Variants in ZDHHC8 observed in about 807,000 individuals in gnomAD.
ZDHHC8 encodes the protein zDHHC palmitoyltransferase 8.
Under a neutral mutation model 61.2 loss-of-function variants are expected in ZDHHC8, and 24 were observed. That is an observed-to-expected ratio of 0.39 (90% CI 0.28 to 0.55). The LOEUF (loss-of-function observed/expected upper bound fraction) is 0.55. Ranked by LOEUF, ZDHHC8 falls within the 20% of genes least tolerant of loss-of-function variation. ZDHHC8 has a pLI of 0.60. For missense variants in ZDHHC8, 935 were observed against 1,102.1 expected, an observed-to-expected ratio of 0.85 and a Z score of 2.15; for synonymous variants, 523 against 492.5, an observed-to-expected ratio of 1.06 and a Z score of -0.82.
rs2050518504 is a variant in ZDHHC8, at chr22:20,145,951, C to T, written c.*551C>T. 18 of 985,828 alleles carry T rather than the reference C, an allele frequency of 1.8e-5. No homozygotes were observed. Among genetic ancestry groups the T allele is most frequent in the Non-Finnish European group, 2.2e-5 (18 of 830,066 alleles). 61.1% of individuals were successfully genotyped at this position (985,828 alleles called of 1,614,324 possible). A position where few individuals can be genotyped will look rare whatever the true frequency, so the allele number is the denominator to read the frequency against. On this transcript the variant is annotated 3_prime_UTR_variant, in exon 11 of 11. Transcript: ENST00000334554. ...GGCAAGGCTGATGCTTCTGCCCTGG[C>T]CTGCTCTGGGTGGTGGTGGATAGGT...
chr22:20,142,807 G>A lies in ZDHHC8; in HGVS notation c.1177G>A (p.Asp393Asn). ...TLGDDSIRSL[D>N]FVSEPSLDLP... ...GGGGGACGACAGCATCCGTAGCCTGGACTTTGTGTCCGAGCCGAGCCTGGA... is the reference window on the plus strand; with the variant it reads ...GGGGGACGACAGCATCCGTAGCCTGAACTTTGTGTCCGAGCCGAGCCTGGA... The change falls in exon 10 of 11, where the codon GAC becomes AAC. Residue 393 changes from aspartate to asparagine, a missense_variant. Physicochemically the swap from Asp to Asn is conservative, Grantham distance 23. This residue lies in a region of ZDHHC8 where 692 missense variants were observed against 731.4 expected (regional missense o/e 0.95). Coordinates refer to ENST00000334554, the MANE Select transcript of ZDHHC8 (RefSeq NM_013373.4). 6 of 1,612,714 alleles carry A rather than the reference G, an allele frequency of 3.7e-6. No individual in the cohort carries two copies. Among genetic ancestry groups the A allele is most frequent in the Non-Finnish European group, 4.2e-6 (5 of 1,179,958 alleles).
rs1433527856 is a variant in ZDHHC8, at chr22:20,143,292, G to A, written c.1662G>A (p.Glu554=). ...LSRTIMASIQ[E]RKDREERERL... ...GGACCATCATGGCATCCATCCAGGA[G>A]CGCAAGGACAGGGAGGAGCGTGAGC... The change falls in exon 10 of 11, where the codon GAG becomes GAA. Residue 554 remains glutamate, a synonymous_variant. Transcript: ENST00000334554. 6.2e-7 allele frequency: 1 copy of A among 1,605,188 alleles called. No homozygotes were observed. Among genetic ancestry groups the A allele is most frequent in the Non-Finnish European group, 8.5e-7 (1 of 1,178,756 alleles).
At chr22:20,132,524 G>A (rs1568990051) in intron 1 of ZDHHC8, among the ~76,000 whole-genome samples, 1 of 152,248 alleles carries the variant, frequency 6.6e-6, no homozygotes, top group Admixed American at 6.5e-5. Context: ...GGTGTGGCCT[G>A]GCCTCGTTGC....
intron 1 of ZDHHC8, among the ~76,000 whole-genome samples, chr22:20,132,760 CA>C (rs1257267222): frequency 1.3e-5 from 2 of 152,252 alleles, no homozygotes; most frequent in Non-Finnish European, 2.9e-5. Context: ...CCTCCAGCCT[CA>C]ACTTCTTCAC....
In ZDHHC8 at chr22:20,139,286, C is replaced by G; in HGVS notation, c.197C>G (p.Thr66Ser). The change falls in exon 2 of 11, where the codon ACT (threonine) becomes AGT (serine). Residue 66 changes from threonine (T) to serine (S), a missense_variant. Thr to Ser is a moderately conservative substitution (Grantham distance 58, BLOSUM62 1). Transcript: ENST00000334554. ...GTCCTGGCCAACTTCAGCATGGCCA[C>G]TTTCATGGACCCTGGTGTTTTCCCC... The part of the protein sequence containing the change: ...LFVLANFSMA[T>S]FMDPGVFPRA... 6.2e-7 allele frequency: 1 copy of G among 1,613,974 alleles called. No homozygotes were observed. Among genetic ancestry groups the G allele is most frequent in the Admixed American group, 1.7e-5 (1 of 60,016 alleles).
chr22:20,138,881 G>A lies in ZDHHC8; in HGVS notation c.105-313G>A, dbSNP rs1390696331. Among the ~76,000 whole-genome samples, 35 of 142,870 alleles carry A rather than the reference G, an allele frequency of 2.4e-4. 1 individual carries two copies. Among genetic ancestry groups the A allele is most frequent in the Admixed American group, 2.3e-3 (33 of 14,484 alleles). 93.7% of individuals were successfully genotyped at this position (142,870 alleles called of 152,430 possible). A position where few individuals can be genotyped will look rare whatever the true frequency, so the allele number is the denominator to read the frequency against. Reference sequence around the variant, plus strand: ...GTGTACCGCCCCCGCCCCCTACCCCGCCCCAGTCATGGAGCCTAGGTCGCT... The same window carrying A: ...GTGTACCGCCCCCGCCCCCTACCCCACCCCAGTCATGGAGCCTAGGTCGCT... On this transcript the variant is annotated intron_variant, in intron 1 of 10. Transcript: ENST00000334554.
In ZDHHC8 at chr22:20,143,108, G is replaced by A. The variant is rs372764075; in HGVS notation, c.1478G>A (p.Cys493Tyr). The A allele has an allele frequency of 1.2e-5, 19 of 1,612,192 alleles. No individual in the cohort carries two copies. Among genetic ancestry groups the A allele is most frequent in the Non-Finnish European group, 1.5e-5 (18 of 1,179,860 alleles). The change falls in exon 10 of 11, where the codon TGC (cysteine) becomes TAC (tyrosine). Residue 493 changes from cysteine to tyrosine, a missense_variant. Physicochemically the swap from Cys to Tyr is radical, Grantham distance 194 (BLOSUM62 -2). Around this residue, in one of 3 missense-constraint regions of ZDHHC8, gnomAD observed 692 missense variants for 731.4 expected, o/e 0.95. Transcript: ENST00000334554. The stretch of plus-strand genomic sequence containing the variant: ...CCTGGCTCGCCTGGTGGCCACGCCT[G>A]CCCTGCCCACCCAGCAGTTGGCGTG... Reference protein sequence around the residue: ...LNPGSPGGHACPAHPAVGVAG... With the variant: ...LNPGSPGGHAYPAHPAVGVAG...
rs865985986 is a variant in ZDHHC8 at position 20,143,027 on chromosome 22, C to T, written c.1397C>T (p.Ala466Val). ...CCCACGCCCCACCGTAGCATTTTTG[C>T]CCCCCATGCACTGCCCAACCGCAAC... is the stretch of plus-strand genomic sequence containing the variant. Reference protein sequence around the residue: ...GPPTPHRSIFAPHALPNRNGS... With the variant: ...GPPTPHRSIFVPHALPNRNGS... The change falls in exon 10 of 11, where the codon GCC becomes GTC. Residue 466 changes from alanine to valine, a missense_variant. Physicochemically the swap from Ala to Val is moderately conservative, Grantham distance 64. Around this residue, in one of 3 missense-constraint regions of ZDHHC8, gnomAD observed 692 missense variants for 731.4 expected, o/e 0.95. Coordinates refer to ENST00000334554, the MANE Select transcript of ZDHHC8 (RefSeq NM_013373.4). 4 of 1,612,236 alleles carry T rather than the reference C, an allele frequency of 2.5e-6. No homozygotes were observed. The highest frequency in any genetic ancestry group is 1.1e-5 in the South Asian group (1 of 91,068).
chr22:20,136,040 G>A (rs2050417023), intron 1 of ZDHHC8, among the ~76,000 whole-genome samples: 1 of 152,266 alleles, frequency 6.6e-6, no homozygotes, highest in African/African-American at 2.4e-5. Flanking sequence ...CAGCCCGGGT[G>A]GGGCCTATGG....
chr22:20,141,153 A>G (rs2148007129), intron 7 of ZDHHC8, 64 bp from the exon 8 acceptor site: 1 of 1,586,860 alleles, frequency 6.3e-7, no homozygotes, highest in South Asian at 1.1e-5. Context: ...TCCCAGGCTG[A>G]ATCCCTAGTG....
chr22:20,143,637 A>C lies in ZDHHC8; in HGVS notation c.2007A>C (p.Ala669=), dbSNP rs1234359987. The part of the protein sequence containing the change: ...RPSSGSHRSP[A]RQGLPSPPGT... Reference sequence around the variant, plus strand: ...GCAGTGGCTCACACAGGTCACCTGCACGCCAGGGCCTGCCCTCCCCGCCCG... The same window carrying C: ...GCAGTGGCTCACACAGGTCACCTGCCCGCCAGGGCCTGCCCTCCCCGCCCG... The change falls in exon 10 of 11, where the codon GCA becomes GCC. Residue 669 remains alanine (A), a synonymous_variant. Transcript: ENST00000334554. The C allele has an allele frequency of 6.2e-7, 1 of 1,606,060 alleles. No individual in the cohort carries two copies. Among genetic ancestry groups the C allele is most frequent in the Non-Finnish European group, 8.5e-7 (1 of 1,179,128 alleles).
rs558900371 is a variant in ZDHHC8 at position 20,135,375 on chromosome 22, C to CT, written c.104+3325dup. On this transcript the variant is annotated intron_variant, in intron 1 of 10. Coordinates refer to ENST00000334554, the MANE Select transcript of ZDHHC8 (RefSeq NM_013373.4). ...CCTAGGCCAGGCTCCCGACCCTGCC[C>CT]TGACTTCACTCCAGAGCCACATTGC... is the stretch of plus-strand genomic sequence containing the variant. 5.3e-3 allele frequency among the ~76,000 whole-genome samples: 808 copies of CT among 152,326 alleles called. 4 individuals carry two copies. The highest frequency in any genetic ancestry group is 8.5e-3 in the Non-Finnish European group (579 of 68,016).
chr22:20,133,422 C>A (rs942036521), intron 1 of ZDHHC8, among the ~76,000 whole-genome samples: 2 of 152,192 alleles, frequency 1.3e-5, no homozygotes, highest in Non-Finnish European at 2.9e-5. Flanking sequence ...AGTGTCCTTT[C>A]TCATGACTTT....
In ZDHHC8 at chr22:20,142,779, C is replaced by G. The variant is rs779674497; in HGVS notation, c.1149C>G (p.Thr383=). 1 of 1,612,652 alleles carries G rather than the reference C, an allele frequency of 6.2e-7. No homozygotes were observed. Among genetic ancestry groups the G allele is most frequent in the Non-Finnish European group, 8.5e-7 (1 of 1,179,944 alleles). Reference sequence around the variant, plus strand: ...AGGTTCCAGGCCCTGATTCCCTGACCCTGGGGGACGACAGCATCCGTAGCC... The same window carrying G: ...AGGTTCCAGGCCCTGATTCCCTGACGCTGGGGGACGACAGCATCCGTAGCC... The part of the protein sequence containing the change: ...GEQVPGPDSL[T]LGDDSIRSLD... Residue 383 remains threonine (T), a synonymous_variant, in exon 10 of 11, where the codon ACC becomes ACG. Transcript: ENST00000334554.
chr22:20,143,124 A>G lies in ZDHHC8; in HGVS notation c.1494A>G (p.Ala498=). 3 of 1,612,074 alleles carry G rather than the reference A, an allele frequency of 1.9e-6. No homozygotes were observed. The highest frequency in any genetic ancestry group is 1.1e-5 in the South Asian group (1 of 91,076). ...GCCACGCCTGCCCTGCCCACCCAGCAGTTGGCGTGGCCGGATACCACTCAC... is the reference window on the plus strand; with the variant it reads ...GCCACGCCTGCCCTGCCCACCCAGCGGTTGGCGTGGCCGGATACCACTCAC... ...PGGHACPAHP[A]VGVAGYHSPY... Residue 498 remains alanine (A), a synonymous_variant, in exon 10 of 11, where the codon GCA becomes GCG. Transcript: ENST00000334554.
In ZDHHC8 at chr22:20,147,209, TC is replaced by T; in HGVS notation, c.*1813del. Reference sequence around the variant, plus strand: ...CTGCACTTGGCTGCCTCCAGTCTTTTCCCCAGCCTCTCGGGGCCCTAGCAGG... The same window carrying T: ...CTGCACTTGGCTGCCTCCAGTCTTTTCCCAGCCTCTCGGGGCCCTAGCAGG... On this transcript the variant is annotated 3_prime_UTR_variant, in exon 11 of 11. Transcript: ENST00000334554. 1.3e-6 allele frequency: 2 copies of T among 1,494,036 alleles called. No homozygotes were observed. The highest frequency in any genetic ancestry group is 2.3e-5 in the Admixed American group (1 of 43,298). The allele number at this position is 1,494,036 out of a possible 1,614,324, so 92.5% of individuals were successfully genotyped here.
chr22:20,145,253 C>T lies in ZDHHC8; in HGVS notation c.2151C>T (p.Pro717=). 1 of 1,519,058 alleles carries T rather than the reference C, an allele frequency of 6.6e-7. No homozygotes were observed. Among genetic ancestry groups the T allele is most frequent in the Non-Finnish European group, 8.8e-7 (1 of 1,133,812 alleles). The allele number at this position is 1,519,058 out of a possible 1,614,324, so 94.1% of individuals were successfully genotyped here. A position where few individuals can be genotyped will look rare whatever the true frequency, so the allele number is the denominator to read the frequency against. The change falls in exon 11 of 11, where the codon CCC becomes CCT. Residue 717 remains proline (P), a synonymous_variant. Transcript: ENST00000334554. ...VQRDHPQLKT[P]PSKLNGQSPG... is the part of the protein sequence containing the mutation. Reference sequence around the variant, plus strand: ...GGGACCACCCTCAGCTGAAGACTCCCCCAAGTAAGCTTAATGGGCAGTCCC... The same window carrying T: ...GGGACCACCCTCAGCTGAAGACTCCTCCAAGTAAGCTTAATGGGCAGTCCC...
At chr22:20,140,410 T>C (rs2050457962) in intron 5 of ZDHHC8, 193 bp downstream of exon 5, 1 of 777,206 alleles carries the variant, frequency 1.3e-6, no homozygotes, top group Non-Finnish European at 2.0e-6. Flanking sequence ...CTGTGGACAC[T>C]GTGGCCACCA....
At position 20,147,378 on chromosome 22, in the gene ZDHHC8, A is replaced by G; in HGVS notation, c.*1978A>G. 1.2e-6 allele frequency: 1 copy of G among 834,198 alleles called. No homozygotes were observed. Among genetic ancestry groups the G allele is most frequent in the Non-Finnish European group, 1.7e-6 (1 of 578,154 alleles). The allele number at this position is 834,198 out of a possible 1,614,324, so 51.7% of individuals were successfully genotyped here. A position where few individuals can be genotyped will look rare whatever the true frequency, so the allele number is the denominator to read the frequency against. On this transcript the variant is annotated 3_prime_UTR_variant, in exon 11 of 11. Coordinates refer to ENST00000334554, the MANE Select transcript of ZDHHC8 (RefSeq NM_013373.4). ...CAGCTTGACAGATTCCCAGCCTGCCAGGGCCTGAGACCCTGTGTCCACATG... is the reference window on the plus strand; with the variant it reads ...CAGCTTGACAGATTCCCAGCCTGCCGGGGCCTGAGACCCTGTGTCCACATG...
Sources: allele counts gnomAD v4.1 joint callset (sites outside exome capture counted in the v4.1 genomes callset), GRCh38; gene constraint gnomAD v4.1.1; regional missense constraint gnomAD v4.1.1; transcripts MANE v1.5; gene names NCBI Gene and HGNC (gene_info 2026-07-23, HGNC 2026-07-21).